ZNF254: variants seen among roughly 807,000 people sequenced by gnomAD.
ZNF254 encodes zinc finger protein 254, also known as CTD-2017D11.1.
In ZNF254, 10 loss-of-function variants were observed where a neutral mutation model predicts 12.4. The ratio of observed to expected loss-of-function variants is 0.80; its 90% CI spans 0.50 to 1.36. ZNF254 has a LOEUF of 1.36. ZNF254 is among the 40% of genes most tolerant of loss of function. The pLI is 0.00. For synonymous variants in ZNF254, 305 were observed against 253.4 expected, an observed-to-expected ratio of 1.20 and a Z score of -1.93; for missense variants, 996 against 763.9, an observed-to-expected ratio of 1.30 and a Z score of -3.58.
At chr19:24,121,913 G>A (rs1272816595) in intron 3 of ZNF254, among the ~76,000 whole-genome samples, 3 of 151,650 alleles carry the variant, frequency 2.0e-5, no homozygotes, top group African/African-American at 7.3e-5. Context: ...TGTTGTGAAT[G>A]GTTTTCTAAT....
chr19:24,041,832 C>A (rs907895692), intron 1 of ZNF254, among the ~76,000 whole-genome samples: 1 of 152,238 alleles, frequency 6.6e-6, no homozygotes, highest in Non-Finnish European at 1.5e-5. Context: ...ACTGTAAATA[C>A]ACCAATCAGC....
chr19:24,046,103 C>T (rs1170529771), intron 1 of ZNF254: 3 of 151,960 alleles, frequency 2.0e-5, no homozygotes, highest in Non-Finnish European at 4.4e-5. Flanking sequence ...ATAATGTCCC[C>T]TTTTCTCCAC....
chr19:24,079,127 T>C (rs1971759518), intron 2 of ZNF254: 3 of 152,190 alleles, frequency 2.0e-5, no homozygotes, highest in Non-Finnish European at 4.4e-5. Context: ...TGTTCAAGCA[T>C]TTTTGCTTCT....
chr19:24,118,904 G>A (rs535767689), intron 3 of ZNF254, among the ~76,000 whole-genome samples: 57 of 152,126 alleles, frequency 3.7e-4, no homozygotes, highest in African/African-American at 1.4e-3. Context: ...GAGGTCAGAA[G>A]TTTGAGACCA....
At chr19:24,046,879 C>G (rs920482615) in intron 2 of ZNF254, among the ~76,000 whole-genome samples, 2 of 138,408 alleles carry the variant, frequency 1.4e-5, no homozygotes, top group African/African-American at 5.3e-5. Context: ...TTTTTTTTTC[C>G]CTTGAGATAG....
intron 2 of ZNF254, among the ~76,000 whole-genome samples, chr19:24,081,064 G>A (rs566025710): frequency 6.9e-6 from 1 of 145,798 alleles, no homozygotes; most frequent in African/African-American, 2.6e-5. Context: ...GCGACAGAGT[G>A]AGACTCCTTC....
In ZNF254 at chr19:24,100,570, T is replaced by A. The variant is rs1163647968; in HGVS notation, c.31-5370T>A. ...GTAGGTGTAAGTTAAACTAATAATGTCACACTGGACACTATATTCTATACC... is the reference window on the plus strand; with the variant it reads ...GTAGGTGTAAGTTAAACTAATAATGACACACTGGACACTATATTCTATACC... On this transcript the variant is annotated intron_variant, in intron 1 of 3. Coordinates refer to ENST00000357002, the MANE Select transcript of ZNF254 (RefSeq NM_203282.4). 2.0e-5 allele frequency among the ~76,000 whole-genome samples: 3 copies of A among 152,130 alleles called. No individual in the cohort carries two copies. The East Asian group carries it at 5.8e-4, about 29-fold the overall frequency.
intron 1 of ZNF254, among the ~76,000 whole-genome samples, chr19:24,090,032 AC>A (rs1972272512): frequency 6.8e-6 from 1 of 147,648 alleles, no homozygotes; most frequent in Non-Finnish European, 1.5e-5. Flanking sequence ...TACTAAAAAT[AC>A]GAAAAAAAAA....
intron 1 of ZNF254, among the ~76,000 whole-genome samples, chr19:24,037,843 A>T (rs1268707079): frequency 6.6e-6 from 1 of 152,204 alleles, no homozygotes; most frequent in Non-Finnish European, 1.5e-5. Context: ...TCCCGACCTC[A>T]GGTGATCCAC....
In ZNF254 at chr19:24,126,242, T is replaced by C; in HGVS notation, c.254-12T>C. 7.4e-7 allele frequency: 1 copy of C among 1,357,542 alleles called. No individual in the cohort carries two copies. The highest frequency in any genetic ancestry group is 1.5e-5 in the African/African-American group (1 of 65,192). The allele number at this position is 1,357,542 out of a possible 1,614,324, so 84.1% of individuals were successfully genotyped here. On this transcript the variant is annotated splice_polypyrimidine_tract_variant and intron_variant, in intron 3 of 3. Coordinates refer to ENST00000357002, the MANE Select transcript of ZNF254 (RefSeq NM_203282.4). Reference sequence around the variant, plus strand: ...AAGTGGAGTAATTTATTTATTTTTATTTTTTTTTCAGGTATGTGTCCTCAT... The same window carrying C: ...AAGTGGAGTAATTTATTTATTTTTACTTTTTTTTCAGGTATGTGTCCTCAT...
intron 3 of ZNF254, among the ~76,000 whole-genome samples, chr19:24,117,508 A>T (rs1380391951): frequency 6.6e-6 from 1 of 152,166 alleles, no homozygotes; most frequent in Admixed American, 6.5e-5. Flanking sequence ...CAGGTGCAGG[A>T]TATAATCTGC....
chr19:24,049,216 T>TATATATATATATATA (rs1568426573), intron 2 of ZNF254, among the ~76,000 whole-genome samples: 1 of 37,750 alleles, frequency 2.6e-5, no homozygotes, highest in African/African-American at 7.6e-5. Flanking sequence ...ATATATATAT[T>TATATATATATATATA]TTTTTTTTTT....
chr19:24,052,480 C>T (rs1429543295), intron 2 of ZNF254, among the ~76,000 whole-genome samples: 2 of 152,152 alleles, frequency 1.3e-5, no homozygotes, highest in Non-Finnish European at 2.9e-5. Context: ...ATTTAACTCC[C>T]CTTTTTGCCT....
At chr19:24,049,216 T>TATATATATA (rs1568426573) in intron 2 of ZNF254, among the ~76,000 whole-genome samples, 8 of 37,752 alleles carry the variant, frequency 2.1e-4, no homozygotes, top group East Asian at 2.0e-3. Flanking sequence ...ATATATATAT[T>TATATATATA]TTTTTTTTTT....
At chr19:24,084,998 T>G (rs1053720502), upstream of ZNF254, among the ~76,000 whole-genome samples, 1 of 148,524 alleles carries the variant, frequency 6.7e-6, no homozygotes, top group East Asian at 2.0e-4. Flanking sequence ...AGTGACCTGA[T>G]CTTGGCTCAC....
intron 2 of ZNF254, among the ~76,000 whole-genome samples, chr19:24,069,197 G>T (rs1971389537): frequency 6.6e-6 from 1 of 151,604 alleles, no homozygotes; most frequent in Non-Finnish European, 1.5e-5. Context: ...TTACAGATGA[G>T]TTTTCACCAT....
chr19:24,053,954 G>A (rs1410687149), intron 2 of ZNF254, among the ~76,000 whole-genome samples: 1 of 148,216 alleles, frequency 6.7e-6, no homozygotes, highest in African/African-American at 2.4e-5. Flanking sequence ...GCATGCTCCT[G>A]CCTGGGCTCT....
At chr19:24,070,739 C>T (rs1382329170) in intron 2 of ZNF254, among the ~76,000 whole-genome samples, 1 of 152,176 alleles carries the variant, frequency 6.6e-6, no homozygotes, top group Non-Finnish European at 1.5e-5. Context: ...GACTCTCCTG[C>T]CTGGGCCTGG....
intron 3 of ZNF254, among the ~76,000 whole-genome samples, chr19:24,111,347 T>C (rs1973667947): frequency 6.6e-6 from 1 of 152,212 alleles, no homozygotes; most frequent in Non-Finnish European, 1.5e-5. Context: ...TAATCCAGTG[T>C]ATCATTGTTG....
Sources: allele counts gnomAD v4.1 joint callset (sites outside exome capture counted in the v4.1 genomes callset), GRCh38; gene constraint gnomAD v4.1.1; transcripts MANE v1.5; gene names NCBI Gene and HGNC (gene_info 2026-07-23, HGNC 2026-07-21).